Variants in CRB1 observed in about 807,000 individuals in gnomAD.
The protein encoded by CRB1 is protein crumbs homolog 1.
A neutral mutation model predicts 120.0 loss-of-function variants in CRB1; 83 were observed. The observed-to-expected ratio is 0.69, with a 90% confidence interval of 0.58 to 0.83. The LOEUF is 0.83. CRB1 is among the 40% of genes least tolerant of loss of function. CRB1 has a pLI of 0.00. For synonymous variants in CRB1, 625 were observed against 612.5 expected, an observed-to-expected ratio of 1.02 and a Z score of -0.30; for missense variants, 1,699 against 1,687.6, an observed-to-expected ratio of 1.01 and a Z score of -0.12.
chr1:197,455,699 ATAT>A (rs1364249102), intron 11 of CRB1, among the ~76,000 whole-genome samples: 1 of 152,102 alleles, frequency 6.6e-6, no homozygotes, highest in African/African-American at 2.4e-5. Context: ...AATTGCTTTA[ATAT>A]TGTTTCTACT....
intron 1 of CRB1, among the ~76,000 whole-genome samples, chr1:197,305,611 C>T (rs1212650435): frequency 6.6e-6 from 1 of 151,494 alleles, no homozygotes; most frequent in African/African-American, 2.4e-5. Flanking sequence ...TATGAGCGTC[C>T]TTTTACAGCA....
At position 197,421,404 on chromosome 1, in the gene CRB1, C is replaced by T. The variant is rs114342808; in HGVS notation, c.1576C>T (p.Arg526Ter). The T allele has an allele frequency of 1.2e-5, 19 of 1,614,064 alleles. No individual in the cohort carries two copies. In the East Asian group the frequency reaches 2.2e-4, roughly 19 times the overall value. ...TCAGCCAATGGCTCTTCTACTTTTC[C>T]GAAGCAACAGGGATGTGTTTGTGAA... ...TVQPMALLLFRSNRDVFVKLE... is the reference protein window; with the variant it reads ...TVQPMALLLF Residue 526 changes from arginine (R) to a stop codon, truncating the protein, a stop_gained, in exon 6 of 12, where the codon CGA becomes TGA. Transcript: ENST00000367400. LOFTEE classifies it high-confidence loss of function.
intron 1 of CRB1, among the ~76,000 whole-genome samples, chr1:197,287,138 A>G (rs993083824): frequency 6.6e-6 from 1 of 151,934 alleles, no homozygotes; most frequent in Non-Finnish European, 1.5e-5. Context: ...AATATATAGG[A>G]GCTAATTAGA....
At chr1:197,333,847 TG>T (rs1658998122) in intron 2 of CRB1, among the ~76,000 whole-genome samples, 1 of 152,170 alleles carries the variant, frequency 6.6e-6, no homozygotes, top group Non-Finnish European at 1.5e-5. Flanking sequence ...AGAGTGGCCA[TG>T]GGCATGAAAG....
intron 7 of CRB1, among the ~76,000 whole-genome samples, chr1:197,428,673 C>T (rs1664719618): frequency 6.6e-6 from 1 of 152,190 alleles, no homozygotes; most frequent in South Asian, 2.1e-4. Flanking sequence ...ATTATTGTAA[C>T]ATAGTTATGG....
intron 5 of CRB1, among the ~76,000 whole-genome samples, chr1:197,396,605 G>A (rs1244796996): frequency 6.6e-6 from 1 of 152,090 alleles, no homozygotes; most frequent in Non-Finnish European, 1.5e-5. Context: ...TCAAGATAAT[G>A]TAGAGTTGGC....
chr1:197,476,362 T>TTGTGTGTGTG (rs35012815), intron 11 of CRB1, among the ~76,000 whole-genome samples: 3 of 140,496 alleles, frequency 2.1e-5, no homozygotes, highest in East Asian at 2.3e-4. Flanking sequence ...TTATGATTAT[T>TTGTGTGTGTG]TGTGTGTGTG....
At chr1:197,393,518 G>C (rs1402936036) in intron 5 of CRB1, among the ~76,000 whole-genome samples, 5 of 133,598 alleles carry the variant, frequency 3.7e-5, no homozygotes, top group Non-Finnish European at 8.2e-5. Flanking sequence ...TTGAAAAGTA[G>C]TCATTTTTTT....
chr1:197,214,499 T>C, the CRB1 span, among the ~76,000 whole-genome samples: 2 of 152,104 alleles, frequency 1.3e-5, no homozygotes, highest in Non-Finnish European at 2.9e-5. Context: ...CCATGGGTGG[T>C]CCTGGAACCA....
intron 5 of CRB1, among the ~76,000 whole-genome samples, chr1:197,379,392 T>A (rs578238313): frequency 3.9e-5 from 6 of 152,038 alleles, no homozygotes; most frequent in African/African-American, 1.4e-4. Flanking sequence ...CTTTGCCTCC[T>A]GAGTTCACGC....
intron 2 of CRB1, among the ~76,000 whole-genome samples, chr1:197,338,738 A>G (rs998906139): frequency 2.0e-5 from 3 of 152,210 alleles, no homozygotes; most frequent in Non-Finnish European, 4.4e-5. Context: ...TAATAGTCAC[A>G]ATAACAAAAT....
chr1:197,449,309 A>G (rs1665842017), intron 11 of CRB1, among the ~76,000 whole-genome samples: 2 of 152,130 alleles, frequency 1.3e-5, no homozygotes, highest in Non-Finnish European at 2.9e-5. Flanking sequence ...AGCTTATACA[A>G]TGCAGAGATT....
the CRB1 span, among the ~76,000 whole-genome samples, chr1:197,214,257 A>T: frequency 2.6e-5 from 4 of 152,298 alleles, no homozygotes; most frequent in South Asian, 8.3e-4. Flanking sequence ...ACTACAGTTG[A>T]CCCTTAAACA....
the CRB1 span, among the ~76,000 whole-genome samples, chr1:197,252,582 A>ATATATATATATGTGTG: frequency 1.7e-3 from 27 of 15,472 alleles, no homozygotes; most frequent in East Asian, 5.2e-3. Context: ...ATATATATAT[A>ATATATATATATGTGTG]TGTGTGTGTG....
the CRB1 span, among the ~76,000 whole-genome samples, chr1:197,228,135 C>T: frequency 2.2e-3 from 340 of 152,292 alleles, 3 homozygotes; most frequent in African/African-American, 7.8e-3. Flanking sequence ...CCATGAAGAC[C>T]TATGACATTC....
chr1:197,302,476 G>A (rs931861361), intron 1 of CRB1, among the ~76,000 whole-genome samples: 2 of 152,072 alleles, frequency 1.3e-5, no homozygotes, highest in African/African-American at 4.8e-5. Context: ...TCTGAGGTAT[G>A]CCTATATTTG....
intron 11 of CRB1, among the ~76,000 whole-genome samples, chr1:197,467,131 T>G (rs1474807794): frequency 1.3e-5 from 2 of 152,174 alleles, no homozygotes; most frequent in East Asian, 3.9e-4. Flanking sequence ...TCTGCAAATA[T>G]GGGGGTTGGA....
intron 1 of CRB1, among the ~76,000 whole-genome samples, chr1:197,301,002 ACT>A (rs1656829624): frequency 6.6e-6 from 1 of 150,524 alleles, no homozygotes; most frequent in African/African-American, 2.4e-5. Flanking sequence ...TTGTAAGCCC[ACT>A]GTTGACAGCT....
At chr1:197,251,788 G>A in the CRB1 span, among the ~76,000 whole-genome samples, 4 of 151,970 alleles carry the variant, frequency 2.6e-5, no homozygotes, top group Non-Finnish European at 4.4e-5. Context: ...GCATGTGCAT[G>A]TGGAGGGTGT....
Sources: allele counts gnomAD v4.1 joint callset (sites outside exome capture counted in the v4.1 genomes callset), GRCh38; gene constraint gnomAD v4.1.1; transcripts MANE v1.5; gene names NCBI Gene and HGNC (gene_info 2026-07-23, HGNC 2026-07-21).